VWA8: variants seen among roughly 807,000 people sequenced by gnomAD.
The protein encoded by VWA8 is von Willebrand factor A domain-containing protein 8.
Under a neutral mutation model 241.5 loss-of-function variants are expected in VWA8, and 221 were observed. The observed-to-expected ratio is 0.91, with a 90% CI of 0.82 to 1.02. The LOEUF (loss-of-function observed/expected upper bound fraction) is 1.02, where lower values mean the gene tolerates loss of function less well. Ranked by LOEUF, VWA8 falls within the 50% of genes least tolerant of loss-of-function variation. VWA8 has a pLI of 0.00. For missense variants in VWA8, 2,322 were observed against 2,328.7 expected (o/e 1.00, Z 0.06); for synonymous variants, 852 against 827.1 (o/e 1.03, Z -0.52).
At chr13:41,959,493 C>CAAAAAAAAAA (rs59960898) in intron 1 of VWA8, among the ~76,000 whole-genome samples, 9 of 76,446 alleles carry the variant, frequency 1.2e-4, no homozygotes, top group Admixed American at 4.7e-4. Flanking sequence ...TGAGAAAAAG[C>CAAAAAAAAAA]AAAAAAAAAA....
Position 41,572,784 on chromosome 13 carries a change from G to A in VWA8, c.5371-2078C>T, listed in dbSNP as rs540188945. On this transcript the variant is annotated intron_variant, in intron 43 of 44. Transcript: ENST00000379310. ...CCCTCTCCGAGAAACACCCAAGAAT[G>A]ATCAATAAATACTAAAAAAAAAAAA... Among the ~76,000 whole-genome samples the A allele has an allele frequency of 3.2e-3, 336 of 106,144 alleles. 5 individuals carry two copies. In the Middle Eastern group the frequency reaches 0.046, roughly 15 times the overall value. 69.6% of individuals were successfully genotyped at this position (106,144 alleles called of 152,430 possible).
At chr13:41,923,948 G>A (rs1397690637) in intron 2 of VWA8, among the ~76,000 whole-genome samples, 2 of 152,010 alleles carry the variant, frequency 1.3e-5, no homozygotes, top group East Asian at 3.8e-4. Context: ...TCTATCAAAT[G>A]CACAGAAATC....
At chr13:41,942,787 A>G (rs953728492) in intron 2 of VWA8, among the ~76,000 whole-genome samples, 41 of 152,116 alleles carry the variant, frequency 2.7e-4, no homozygotes, top group African/African-American at 9.4e-4. Flanking sequence ...CCTCCTAGGC[A>G]CTCCAGGTCT....
At chr13:41,895,183 C>T (rs2138089824) in intron 4 of VWA8, among the ~76,000 whole-genome samples, 1 of 152,170 alleles carries the variant, frequency 6.6e-6, no homozygotes, top group Admixed American at 6.5e-5. Flanking sequence ...ATAACTGATA[C>T]ATATCAGGCG....
At chr13:41,701,363 G>A (rs1258542991) in intron 28 of VWA8, 29 bp downstream of exon 28, 10 of 1,525,652 alleles carry the variant, frequency 6.6e-6, no homozygotes, top group Non-Finnish European at 8.8e-6. Context: ...TGTGCAGGAA[G>A]GAAAGATCAA....
At chr13:41,573,486 A>AAATAAATAAATATATATATAT in intron 43 of VWA8, among the ~76,000 whole-genome samples, 33 of 113,610 alleles carry the variant, frequency 2.9e-4, no homozygotes, top group African/African-American at 4.8e-4. Flanking sequence ...AAAAAAAAAA[A>AAATAAATAAATATATATATAT]ATATATATAT....
chr13:41,570,643 CA>C lies in VWA8; in HGVS notation c.5433del (p.His1811GlnfsTer17), dbSNP rs1383296197. On this transcript the variant is annotated frameshift_variant, in exon 44 of 45. Transcript: ENST00000379310. LOFTEE classifies it high-confidence loss of function. ...SGDHTLEGTE[H>X]AIKEIVKEEA... ...TCTTCTTTGACAATTTCCTTGATGG[CA>C]TGTTCTGTCCCTTCTAACGTGTGGT... The C allele has an allele frequency of 6.2e-7, 1 of 1,614,130 alleles. No homozygotes were observed. The highest frequency in any genetic ancestry group is 1.7e-5 in the Admixed American group (1 of 60,014).
chr13:41,651,625 T>C (rs1452080698), intron 37 of VWA8, among the ~76,000 whole-genome samples: 2 of 152,168 alleles, frequency 1.3e-5, no homozygotes, highest in African/African-American at 4.8e-5. Flanking sequence ...TAAAACTTTA[T>C]GGACACCAAA....
At chr13:41,715,246 CATTATTACCATT>C (rs1346616390) in intron 26 of VWA8, among the ~76,000 whole-genome samples, 3 of 151,956 alleles carry the variant, frequency 2.0e-5, no homozygotes, top group African/African-American at 7.2e-5. Context: ...GTACTACCAT[CATTATTACCATT>C]ATTATGAAAT....
chr13:41,881,793 G>C (rs1367611932), intron 9 of VWA8, among the ~76,000 whole-genome samples: 3 of 145,938 alleles, frequency 2.1e-5, no homozygotes, highest in African/African-American at 7.6e-5. Context: ...TCACTTCCCA[G>C]TAGGGGCGGC....
At chr13:41,786,672 T>TA (rs202236201) in intron 18 of VWA8, among the ~76,000 whole-genome samples, 5 of 152,020 alleles carry the variant, frequency 3.3e-5, no homozygotes, top group East Asian at 1.9e-4. Context: ...AATTTGACTC[T>TA]AAAAAAAATC....
At chr13:41,591,057 TTA>T (rs770999666) in intron 40 of VWA8, among the ~76,000 whole-genome samples, 3 of 152,236 alleles carry the variant, frequency 2.0e-5, no homozygotes, top group Non-Finnish European at 4.4e-5. Context: ...GGCGCATTTC[TTA>T]CAGATTTTCT....
At chr13:41,596,118 A>AC (rs1249591169) in intron 40 of VWA8, among the ~76,000 whole-genome samples, 1 of 152,200 alleles carries the variant, frequency 6.6e-6, no homozygotes, top group Non-Finnish European at 1.5e-5. Context: ...AGGAACATGA[A>AC]CCAGTAGTTT....
chr13:41,903,916 A>G (rs1875577664), intron 4 of VWA8, among the ~76,000 whole-genome samples: 1 of 152,206 alleles, frequency 6.6e-6, no homozygotes, highest in African/African-American at 2.4e-5. Flanking sequence ...CTGAAGCAAT[A>G]AAGAAAGGAC....
chr13:41,579,235 C>T (rs575066193), intron 42 of VWA8, among the ~76,000 whole-genome samples: 1 of 152,280 alleles, frequency 6.6e-6, no homozygotes, highest in East Asian at 1.9e-4. Flanking sequence ...TCATGTCCTT[C>T]TAGAAATATA....
chr13:41,798,195 C>G (rs9315866), intron 17 of VWA8, among the ~76,000 whole-genome samples: 3 of 152,154 alleles, frequency 2.0e-5, no homozygotes, highest in African/African-American at 7.2e-5. Context: ...TTGTTAAATA[C>G]TTCCCTATAT....
At chr13:41,950,666 C>CAT (rs1878090547) in intron 1 of VWA8, among the ~76,000 whole-genome samples, 2 of 124,696 alleles carry the variant, frequency 1.6e-5, no homozygotes, top group African/African-American at 3.4e-5. Flanking sequence ...CCACACTCAG[C>CAT]CTTTTTTTTT....
intron 21 of VWA8, among the ~76,000 whole-genome samples, chr13:41,735,153 T>C (rs772902771): frequency 1.9e-4 from 29 of 152,176 alleles, no homozygotes; most frequent in Non-Finnish European, 4.0e-4. Flanking sequence ...CAGATTGTTA[T>C]AGTAATATAA....
intron 26 of VWA8, among the ~76,000 whole-genome samples, chr13:41,711,252 C>T (rs534394744): frequency 1.3e-5 from 2 of 152,288 alleles, no homozygotes; most frequent in African/African-American, 4.8e-5. Context: ...ATGACAGAAG[C>T]TATGAGTTGG....
Sources: gnomAD v4.1 joint callset for allele counts (sites outside exome capture counted in the v4.1 genomes callset) on GRCh38, gnomAD v4.1.1 for gene constraint, MANE v1.5 for transcripts, NCBI Gene and HGNC (gene_info 2026-07-23, HGNC 2026-07-21) for gene names.